The following LRPPRC variants were observed in gnomAD, a reference collection of about 807,000 sequenced individuals.
LRPPRC encodes the protein leucine-rich PPR motif-containing protein, mitochondrial.
In LRPPRC, 120 loss-of-function variants were observed where a neutral mutation model predicts 180.3. The observed-to-expected ratio is 0.67, with a 90% CI of 0.57 to 0.77. The LOEUF (loss-of-function observed/expected upper bound fraction) is 0.77, where lower values mean the gene tolerates loss of function less well. Ranked by LOEUF, LRPPRC falls within the 30% of genes least tolerant of loss-of-function variation. LRPPRC has a pLI of 0.00. For missense variants in LRPPRC, 2,012 were observed against 1,657.2 expected, an observed-to-expected ratio of 1.21 and a Z score of -3.72; for synonymous variants, 723 against 600.0, an observed-to-expected ratio of 1.21 and a Z score of -3.00.
chr2:43,965,319 A>C (rs539522692), intron 11 of LRPPRC, among the ~76,000 whole-genome samples: 2 of 152,284 alleles, frequency 1.3e-5, no homozygotes, highest in East Asian at 3.9e-4. Context: ...TCAGCCTCCC[A>C]AAGTGTTGGG....
rs1040521974 is a variant in LRPPRC, at chr2:43,949,884, T to C, written c.1678-225A>G. Among the ~76,000 whole-genome samples the C allele has an allele frequency of 3.3e-5, 5 of 152,320 alleles. No individual in the cohort carries two copies. The South Asian group carries it at 8.3e-4, about 25-fold the overall frequency. On this transcript the variant is annotated intron_variant, in intron 15 of 37. Coordinates refer to ENST00000260665, the MANE Select transcript of LRPPRC (RefSeq NM_133259.4). The stretch of plus-strand genomic sequence containing the variant: ...AATCCATGTTGAAGGAAAACTGCAA[T>C]GTTTTGTGAAATGTCACACAGAAAG...
Position 43,970,969 on chromosome 2 carries a change from G to A in LRPPRC, c.1369+2638C>T, listed in dbSNP as rs575887304. Reference sequence around the variant, plus strand: ...CCAAAAATTAGCTGGGTGCAGTGACGCATGCCTGTAATCCCAGCTACTCAG... The same window carrying A: ...CCAAAAATTAGCTGGGTGCAGTGACACATGCCTGTAATCCCAGCTACTCAG... On this transcript the variant is annotated intron_variant, in intron 11 of 37. Coordinates refer to ENST00000260665, the MANE Select transcript of LRPPRC (RefSeq NM_133259.4). Among the ~76,000 whole-genome samples, 179 of 152,140 alleles carry A rather than the reference G, an allele frequency of 1.2e-3. 1 individual carries two copies. The highest frequency in any genetic ancestry group is 3.8e-3 in the African/African-American group (159 of 41,502).
intron 30 of LRPPRC, among the ~76,000 whole-genome samples, chr2:43,907,639 CAT>C (rs1302900351): frequency 6.6e-6 from 1 of 152,130 alleles, no homozygotes; most frequent in Non-Finnish European, 1.5e-5. Context: ...TAAGCAGTCA[CAT>C]ATGACTAGTG....
At chr2:43,889,270 G>A (rs1217879356) in intron 37 of LRPPRC, among the ~76,000 whole-genome samples, 3 of 125,736 alleles carry the variant, frequency 2.4e-5, no homozygotes, top group East Asian at 2.2e-4. Flanking sequence ...AGCCGAGACC[G>A]TGCCATTGCA....
rs749664744 is a variant in LRPPRC, at chr2:43,976,254, C to A, written c.651-25G>T. 3.2e-6 allele frequency: 4 copies of A among 1,266,634 alleles called. No homozygotes were observed. In the East Asian group the frequency reaches 9.2e-5, roughly 29 times the overall value. The allele number at this position is 1,266,634 out of a possible 1,614,324, so 78.5% of individuals were successfully genotyped here. The stretch of plus-strand genomic sequence containing the variant: ...GCTGCAAAGGAAAAACGAAGATACT[C>A]ATTGAAAGTATTTATAAGAACACTC... On this transcript the variant is annotated intron_variant, in intron 5 of 37. Transcript: ENST00000260665.
intron 12 of LRPPRC, among the ~76,000 whole-genome samples, chr2:43,960,840 T>G (rs1180597885): frequency 6.6e-6 from 1 of 152,236 alleles, no homozygotes; most frequent in Non-Finnish European, 1.5e-5. Context: ...ATACAGATGG[T>G]CTGATGCCTT....
chr2:43,944,269 A>G (rs1458263299), intron 22 of LRPPRC, among the ~76,000 whole-genome samples: 1 of 152,038 alleles, frequency 6.6e-6, no homozygotes, highest in Non-Finnish European at 1.5e-5. Flanking sequence ...GCCAGATAAT[A>G]AAGATGTGTT....
intron 12 of LRPPRC, 41 bp from the exon 13 acceptor site, chr2:43,960,675 A>G: frequency 1.1e-6 from 1 of 943,538 alleles, no homozygotes; most frequent in Non-Finnish European, 1.7e-6. Flanking sequence ...CATCTCAGCT[A>G]ACAATATTTT....
At chr2:43,925,746 C>T in intron 26 of LRPPRC, 147 bp downstream of exon 26, 1 of 705,084 alleles carries the variant, frequency 1.4e-6, no homozygotes, top group East Asian at 2.6e-5. Context: ...AAGAAATAAG[C>T]CATTGCTTAT....
At chr2:43,925,848 T>C (rs757495129) in intron 26 of LRPPRC, 45 bp downstream of exon 26, 2 of 1,287,200 alleles carry the variant, frequency 1.6e-6, no homozygotes, top group Non-Finnish European at 1.1e-6. Flanking sequence ...CCTTGCCTTC[T>C]ACTCACACTT....
At chr2:43,911,516 TCTTCTTC>T (rs1339008107) in intron 30 of LRPPRC, among the ~76,000 whole-genome samples, 5 of 131,354 alleles carry the variant, frequency 3.8e-5, no homozygotes, top group African/African-American at 1.5e-4. Context: ...TTCTTCTTCT[TCTTCTTC>T]TTTTTTTTTT....
intron 13 of LRPPRC, among the ~76,000 whole-genome samples, chr2:43,960,282 A>G (rs1429646260): frequency 6.6e-6 from 1 of 152,218 alleles, no homozygotes; most frequent in African/African-American, 2.4e-5. Flanking sequence ...TGGCCAAATT[A>G]TAAAGAATAT....
chr2:43,925,217 C>A (rs996038815), intron 26 of LRPPRC, 60 bp from the exon 27 acceptor site: 1 of 887,548 alleles, frequency 1.1e-6, no homozygotes, highest in South Asian at 1.3e-5. Context: ...TTACAGTTAA[C>A]AAATAGCAGT....
At chr2:43,903,243 C>T (rs929554644) in intron 31 of LRPPRC, 1 of 152,354 alleles carries the variant, frequency 6.6e-6, no homozygotes, top group Non-Finnish European at 1.5e-5. Context: ...CATCCCTCCC[C>T]CCAGGTCCTT....
At chr2:43,943,199 C>A (rs1321110040) in intron 23 of LRPPRC, among the ~76,000 whole-genome samples, 3 of 151,964 alleles carry the variant, frequency 2.0e-5, no homozygotes, top group Non-Finnish European at 4.4e-5. Context: ...GAAAAATTAA[C>A]AAACTCAGTA....
intron 30 of LRPPRC, among the ~76,000 whole-genome samples, chr2:43,906,473 A>G (rs1387623877): frequency 1.3e-5 from 2 of 152,218 alleles, no homozygotes; most frequent in Non-Finnish European, 2.9e-5. Flanking sequence ...GCAAAATGAA[A>G]CAACAAAAAC....
At chr2:43,982,690 A>G (rs563851983) in intron 1 of LRPPRC, among the ~76,000 whole-genome samples, 13 of 152,326 alleles carry the variant, frequency 8.5e-5, no homozygotes, top group Non-Finnish European at 1.8e-4. Flanking sequence ...TTGAACATGG[A>G]ATGATTTCAA....
intron 2 of LRPPRC, 50 bp from the exon 3 acceptor site, chr2:43,979,998 A>T (rs769657153): frequency 6.4e-7 from 1 of 1,553,332 alleles, no homozygotes; most frequent in Non-Finnish European, 8.9e-7. Context: ...GCAATATCAC[A>T]TAGATAAATA....
At chr2:43,947,622 A>G in intron 19 of LRPPRC, 109 bp downstream of exon 19, 5 of 772,468 alleles carry the variant, frequency 6.5e-6, no homozygotes, top group Non-Finnish European at 1.2e-5. Flanking sequence ...TTAGAGGTAT[A>G]CAAGATGATA....
Sources: allele counts gnomAD v4.1 joint callset (sites outside exome capture counted in the v4.1 genomes callset), GRCh38; gene constraint gnomAD v4.1.1; transcripts MANE v1.5; gene names NCBI Gene and HGNC (gene_info 2026-07-23, HGNC 2026-07-21).